Variants in GCN1 observed in about 807,000 individuals in gnomAD.
GCN1 encodes the protein GCN1 activator of EIF2AK4, also known as stalled ribosome sensor GCN1.
In GCN1, 90 loss-of-function variants were observed where a neutral mutation model predicts 288.4. The ratio of observed to expected loss-of-function variants is 0.31; its 90% confidence interval spans 0.26 to 0.37. The LOEUF is 0.37. Among genes scored for constraint, GCN1 ranks in the 10% least tolerant of loss-of-function variants. The probability of loss-of-function intolerance (pLI) is 1.00; values close to 1 mark genes in which losing one functional copy is unlikely to be tolerated. For missense variants in GCN1, 2,586 were observed against 3,419.9 expected (o/e 0.76, Z 6.08); for synonymous variants, 1,386 against 1,420.2 (o/e 0.98, Z 0.54).
chr12:120,142,040 G>A lies in GCN1; in HGVS notation c.5829+467C>T, dbSNP rs1877212681. On this transcript the variant is annotated intron_variant, in intron 44 of 57. Coordinates refer to ENST00000300648, the MANE Select transcript of GCN1 (RefSeq NM_006836.2). This position sits in a 1 kb window ranked among gnomAD's most constrained non-coding sequence, Gnocchi z 4.9. ...GCACAGGAGATGCTAATAAATATTT[G>A]CAGAGGCCAGGCGTGGTGGCTCAAG... Among the ~76,000 whole-genome samples, 1 of 152,178 alleles carries A rather than the reference G, an allele frequency of 6.6e-6. No individual in the cohort carries two copies. The highest frequency in any genetic ancestry group is 1.5e-5 in the Non-Finnish European group (1 of 68,030).
Position 120,163,092 on chromosome 12 carries a change from G to A in GCN1, c.2016C>T (p.Ile672=), listed in dbSNP as rs1877983394. ...GACCTAAGGATGGGTGGTGGGAGAT[G>A]ATCAGCATTTCCTGGGCCAGTTGTT... ...DTEQLAQEML[I]ISHHPSLVAV... Residue 672 remains isoleucine, a synonymous_variant, in exon 19 of 58, where the codon ATC becomes ATT. Coordinates refer to ENST00000300648, the MANE Select transcript of GCN1 (RefSeq NM_006836.2). 2 of 1,614,126 alleles carry A rather than the reference G, an allele frequency of 1.2e-6. No individual in the cohort carries two copies. Among genetic ancestry groups the A allele is most frequent in the Non-Finnish European group, 1.7e-6 (2 of 1,180,042 alleles).
intron 16 of GCN1, among the ~76,000 whole-genome samples, chr12:120,166,440 C>T (rs1176462576): frequency 2.7e-5 from 4 of 146,250 alleles, no homozygotes; most frequent in Middle Eastern, 4.0e-3. Flanking sequence ...TCCGGTGGCT[C>T]ACGCATGTAA....
Position 120,184,246 on chromosome 12 carries a change from A to AG in GCN1, c.186-4dup. ...AGGCCCTGCGGGAGGCTGCATCTCT[A>AG]GGGGGAGAGGCAAAGGAAAGGGTGA... On this transcript the variant is annotated splice_polypyrimidine_tract_variant and splice_region_variant and intron_variant, in intron 3 of 57. Coordinates refer to ENST00000300648, the MANE Select transcript of GCN1 (RefSeq NM_006836.2). 6.2e-7 allele frequency: 1 copy of AG among 1,611,406 alleles called. No homozygotes were observed. The highest frequency in any genetic ancestry group is 8.5e-7 in the Non-Finnish European group (1 of 1,179,104).
At position 120,127,893 on chromosome 12, in the gene GCN1, G is replaced by C; in HGVS notation, c.7972C>G (p.Gln2658Glu). The change falls in exon 58 of 58, where the codon CAG (glutamine) becomes GAG (glutamate). Residue 2658 changes from glutamine to glutamate, a missense_variant. Around this residue, in one of 8 missense-constraint regions of GCN1, gnomAD observed 355 missense variants for 431.1 expected, o/e 0.82. Coordinates refer to ENST00000300648, the MANE Select transcript of GCN1 (RefSeq NM_006836.2). ...TCCACCTGCTCCGTGGAGTCGGCCTGGCTGGCCAGCTTCTTCAGGGACCTT... is the reference window on the plus strand; with the variant it reads ...TCCACCTGCTCCGTGGAGTCGGCCTCGCTGGCCAGCTTCTTCAGGGACCTT... ...NRRSLKKLAS[Q>E]ADSTEQVDDT... 6.2e-7 allele frequency: 1 copy of C among 1,614,182 alleles called. No individual in the cohort carries two copies. The highest frequency in any genetic ancestry group is 8.5e-7 in the Non-Finnish European group (1 of 1,179,990).
rs1594263631 is a variant in GCN1, at chr12:120,142,504, C to T, written c.5829+3G>A. 6.2e-7 allele frequency: 1 copy of T among 1,612,258 alleles called. No homozygotes were observed. Among genetic ancestry groups the T allele is most frequent in the East Asian group, 2.2e-5 (1 of 44,872 alleles). ...GGTCCAAAACAAGGCCCAGGAAACT[C>T]ACCGTTCTCTTATCTGCACACGTGC... is the stretch of plus-strand genomic sequence containing the variant. On this transcript the variant is annotated splice_donor_region_variant and intron_variant, in intron 44 of 57. Transcript: ENST00000300648. This position sits in a 1 kb window ranked among gnomAD's most constrained non-coding sequence, Gnocchi z 4.9.
chr12:120,168,034 C>T (rs974120590), intron 16 of GCN1, among the ~76,000 whole-genome samples, 174 bp downstream of exon 16: 1 of 152,086 alleles, frequency 6.6e-6, no homozygotes, highest in Admixed American at 6.6e-5. Flanking sequence ...TTTCCCTAAC[C>T]TTATGTTCCC....
At position 120,134,862 on chromosome 12, in the gene GCN1, G is replaced by C. The variant is rs1424817072; in HGVS notation, c.7009-136C>G. On this transcript the variant is annotated intron_variant, in intron 51 of 57. Coordinates refer to ENST00000300648, the MANE Select transcript of GCN1 (RefSeq NM_006836.2). This position sits in a 1 kb window ranked among gnomAD's most constrained non-coding sequence, Gnocchi z 5.0. ...TCTCATACAGGGCTGGGGACAGATA[G>C]CCCGTCAGAGAGGCCAAACACAGAC... 1 of 715,946 alleles carries C rather than the reference G, an allele frequency of 1.4e-6. No individual in the cohort carries two copies. The highest frequency in any genetic ancestry group is 2.4e-6 in the Non-Finnish European group (1 of 423,938). The allele number at this position is 715,946 out of a possible 1,614,324, so 44.3% of individuals were successfully genotyped here. A position where few individuals can be genotyped will look rare whatever the true frequency, so the allele number is the denominator to read the frequency against.
At position 120,176,175 on chromosome 12, in the gene GCN1, T is replaced by C. The variant is rs773737328; in HGVS notation, c.881A>G (p.Gln294Arg). 2 of 1,612,668 alleles carry C rather than the reference T, an allele frequency of 1.2e-6. No individual in the cohort carries two copies. The highest frequency in any genetic ancestry group is 1.1e-5 in the South Asian group (1 of 91,030). Reference sequence around the variant, plus strand: ...TCCTTTCACGATGTCCATGGCATACTGGCTGAGGTCAAGCGTCACTGATGC... The same window carrying C: ...TCCTTTCACGATGTCCATGGCATACCGGCTGAGGTCAAGCGTCACTGATGC... ...LLASVTLDLS[Q>R]YAMDIVKGLA... The change falls in exon 10 of 58, where the codon CAG becomes CGG. Residue 294 changes from glutamine to arginine, a missense_variant. Gln to Arg is a conservative substitution (Grantham distance 43). Transcript: ENST00000300648.
chr12:120,131,604 G>A (rs774371869), intron 54 of GCN1, among the ~76,000 whole-genome samples: 2 of 152,210 alleles, frequency 1.3e-5, no homozygotes, highest in Non-Finnish European at 2.9e-5. Flanking sequence ...CGGGACCACT[G>A]CAAATTCAGT....
chr12:120,175,087 A>G (rs1268723140), intron 12 of GCN1, 75 bp downstream of exon 12: 3 of 1,313,486 alleles, frequency 2.3e-6, no homozygotes, highest in East Asian at 4.7e-5. Flanking sequence ...AGATGGCACC[A>G]CTGCACTCTA....
chr12:120,184,961 C>T (rs1198979540), intron 2 of GCN1, 74 bp from the exon 3 acceptor site: 1 of 963,034 alleles, frequency 1.0e-6, no homozygotes, highest in Non-Finnish European at 1.7e-6. Context: ...GTATTCTGCC[C>T]AGACATGATC....
intron 18 of GCN1, 147 bp downstream of exon 18, chr12:120,164,189 T>C: frequency 1.5e-6 from 1 of 655,282 alleles, no homozygotes; most frequent in Non-Finnish European, 2.7e-6. Context: ...AAGATGTTAC[T>C]GGAGCTTGAC....
chr12:120,128,305 T>A (rs527451138), intron 57 of GCN1, among the ~76,000 whole-genome samples: 12 of 151,400 alleles, frequency 7.9e-5, no homozygotes, highest in Middle Eastern at 3.5e-3. Flanking sequence ...ATGCTTTTCA[T>A]GAGACGAGGC....
At chr12:120,162,228 A>C (rs988519679) in intron 20 of GCN1, 170 bp from the exon 21 acceptor site, 15 of 607,450 alleles carry the variant, frequency 2.5e-5, no homozygotes, top group Non-Finnish European at 4.4e-5. Context: ...TGCTTTCCTC[A>C]CCAAGCAGTG....
rs1430798193 is a variant in GCN1, at chr12:120,158,635, C to A, written c.2750-20G>T. On this transcript the variant is annotated intron_variant, in intron 24 of 57. Coordinates refer to ENST00000300648, the MANE Select transcript of GCN1 (RefSeq NM_006836.2). The surrounding 1 kb of genome is among the most constrained non-coding windows in gnomAD (Gnocchi z 4.3). Reference sequence around the variant, plus strand: ...AAGTGCCTGTGTTGAAGAGGAGAGACCCAGCAGGAGATGACACACAGAGAT... The same window carrying A: ...AAGTGCCTGTGTTGAAGAGGAGAGAACCAGCAGGAGATGACACACAGAGAT... 1 of 1,587,502 alleles carries A rather than the reference C, an allele frequency of 6.3e-7. No individual in the cohort carries two copies. Among genetic ancestry groups the A allele is most frequent in the Non-Finnish European group, 8.6e-7 (1 of 1,165,906 alleles).
intron 23 of GCN1, 27 bp from the exon 24 acceptor site, chr12:120,160,050 G>A: frequency 6.2e-7 from 1 of 1,607,298 alleles, no homozygotes; most frequent in South Asian, 1.1e-5. Context: ...CCAGAAGGCA[G>A]GTCAGCAGGG....
rs776098172 is a variant in GCN1 at position 120,142,530 on chromosome 12, T to G, written c.5806A>C (p.Ser1936Arg). 4.0e-5 allele frequency: 65 copies of G among 1,613,844 alleles called. 1 individual carries two copies. In the South Asian group the frequency reaches 6.8e-4, roughly 17 times the overall value. ...ACCGTTCTCTTATCTGCACACGTGC[T>G]GGCCAGGAAACCCAGCAGGAGCCCA... ...LFGLLLGFLA[S>R]TCADKRTIAA... is the part of the protein sequence containing the mutation. Residue 1936 changes from serine to arginine, a missense_variant, in exon 44 of 58, where the codon AGC becomes CGC. Around this residue, in one of 8 missense-constraint regions of GCN1, gnomAD observed 437 missense variants for 570.5 expected, o/e 0.77. Coordinates refer to ENST00000300648, the MANE Select transcript of GCN1 (RefSeq NM_006836.2). The surrounding 1 kb of genome is among the most constrained non-coding windows in gnomAD (Gnocchi z 4.9).
At chr12:120,193,305 T>A (rs1247458694) in intron 1 of GCN1, among the ~76,000 whole-genome samples, 1 of 152,082 alleles carries the variant, frequency 6.6e-6, no homozygotes, top group East Asian at 1.9e-4. Context: ...AGTGAAGAAC[T>A]AAATTTTTTT....
At position 120,136,631 on chromosome 12, in the gene GCN1, C is replaced by G. The variant is rs1333201181; in HGVS notation, c.6879G>C (p.Leu2293=). The change falls in exon 51 of 58, where the codon CTG becomes CTC. Residue 2293 remains leucine (L), a synonymous_variant. Coordinates refer to ENST00000300648, the MANE Select transcript of GCN1 (RefSeq NM_006836.2). ...AGGGCCTCAGGGCGTCAGCCGAGGT[C>G]AGGCGGATTACCAAGCCTAAGGCTT... ...AAKALGLVIR[L]TSADALRPSV... is the part of the protein sequence containing the mutation. The G allele has an allele frequency of 2.5e-6, 4 of 1,614,198 alleles. No individual in the cohort carries two copies. Among genetic ancestry groups the G allele is most frequent in the Non-Finnish European group, 1.7e-6 (2 of 1,180,030 alleles).
Sources: allele counts gnomAD v4.1 joint callset (sites outside exome capture counted in the v4.1 genomes callset), GRCh38; gene constraint gnomAD v4.1.1; regional missense constraint gnomAD v4.1.1; non-coding constraint Gnocchi (gnomAD v3.1); transcripts MANE v1.5; gene names NCBI Gene and HGNC (gene_info 2026-07-23, HGNC 2026-07-21).